Variants in HNRNPAB observed in about 807,000 individuals in gnomAD.
HNRNPAB encodes heterogeneous nuclear ribonucleoprotein A/B, also known as ABBP-1.
Under a neutral mutation model 44.1 loss-of-function variants are expected in HNRNPAB, and 17 were observed. The observed-to-expected ratio is 0.39, with a 90% CI of 0.26 to 0.58. The LOEUF (loss-of-function observed/expected upper bound fraction) is 0.58, where lower values mean the gene tolerates loss of function less well. Among genes scored for constraint, HNRNPAB ranks in the 20% least tolerant of loss-of-function variants. The pLI is 0.63. For synonymous variants in HNRNPAB, 183 were observed against 167.6 expected (o/e 1.09, Z -0.71); for missense variants, 393 against 432.7 (o/e 0.91, Z 0.81).
chr5:178,204,707 G>A lies in HNRNPAB; in HGVS notation c.-57G>A. 1 of 445,728 alleles carries A rather than the reference G, an allele frequency of 2.2e-6. No individual in the cohort carries two copies. The highest frequency in any genetic ancestry group is 3.5e-6 in the Non-Finnish European group (1 of 289,782). The allele number at this position is 445,728 out of a possible 1,614,324, so 27.6% of individuals were successfully genotyped here. ...TGCGGCGCCTTCCCCTGCGGGTGGGGACGAGCGGGCCCCGCGGCGTCATCG... is the reference window on the plus strand; with the variant it reads ...TGCGGCGCCTTCCCCTGCGGGTGGGAACGAGCGGGCCCCGCGGCGTCATCG... On this transcript the variant is annotated 5_prime_UTR_variant, in exon 1 of 8. Transcript: ENST00000358344.
chr5:178,206,707 G>T, intron 3 of HNRNPAB, 25 bp from the exon 4 acceptor site: 1 of 1,611,590 alleles, frequency 6.2e-7, no homozygotes, highest in Non-Finnish European at 8.5e-7. Context: ...TGCTGAGTCA[G>T]CCTGACCCCT....
In HNRNPAB at chr5:178,211,081, G is replaced by A. The variant is rs1329259780; in HGVS notation, c.*458G>A. On this transcript the variant is annotated 3_prime_UTR_variant, in exon 8 of 8. Coordinates refer to ENST00000358344, the MANE Select transcript of HNRNPAB (RefSeq NM_031266.3). ...TTTTGGGAATCTAATGTATTGTAAG[G>A]TATTTTACACGTGTCCTGATTTTGC... 5.8e-6 allele frequency: 1 copy of A among 171,796 alleles called. No homozygotes were observed. The highest frequency in any genetic ancestry group is 1.2e-5 in the Non-Finnish European group (1 of 80,006). 10.6% of individuals were successfully genotyped at this position (171,796 alleles called of 1,614,324 possible).
chr5:178,206,144 G>GGTTAT (rs1757047588), intron 3 of HNRNPAB, 134 bp downstream of exon 3: 1 of 803,276 alleles, frequency 1.2e-6, no homozygotes. Flanking sequence ...CAAAGCCGGA[G>GGTTAT]GTTATGTTCC....
At chr5:178,205,540 T>G in intron 2 of HNRNPAB, 1 of 227,070 alleles carries the variant, frequency 4.4e-6, no homozygotes, top group Non-Finnish European at 8.7e-6. Flanking sequence ...CGCTGGCCCT[T>G]TGCTACATGG....
intron 2 of HNRNPAB, among the ~76,000 whole-genome samples, chr5:178,205,386 G>A (rs904717910): frequency 1.3e-4 from 20 of 152,200 alleles, no homozygotes; most frequent in Middle Eastern, 3.4e-3. Flanking sequence ...GCCGGCGGCT[G>A]CGTGGGCGGA....
intron 2 of HNRNPAB, among the ~76,000 whole-genome samples, chr5:178,205,414 C>T (rs1757013548): frequency 6.6e-6 from 1 of 152,256 alleles, no homozygotes; most frequent in African/African-American, 2.4e-5. Flanking sequence ...CGAGCCGGGG[C>T]CCGGACCTCC....
In HNRNPAB at chr5:178,210,986, T is replaced by C. The variant is rs1758152996; in HGVS notation, c.*363T>C. On this transcript the variant is annotated 3_prime_UTR_variant, in exon 8 of 8. Coordinates refer to ENST00000358344, the MANE Select transcript of HNRNPAB (RefSeq NM_031266.3). ...CCAGTGTCACCTTTTTTTCACCTTT[T>C]AATTTTATATTATTTGCGTCATACA... 1 of 247,860 alleles carries C rather than the reference T, an allele frequency of 4.0e-6. No homozygotes were observed. 15.4% of individuals were successfully genotyped at this position (247,860 alleles called of 1,614,324 possible).
chr5:178,206,298 A>C (rs1013160784), intron 3 of HNRNPAB, among the ~76,000 whole-genome samples: 2 of 152,236 alleles, frequency 1.3e-5, no homozygotes, highest in Non-Finnish European at 1.5e-5. Flanking sequence ...ATTACAAGAG[A>C]GTCCATGATT....
rs1581180661 is a variant in HNRNPAB, at chr5:178,210,174, A to C, written c.830A>C (p.Asn277Thr). Residue 277 changes from asparagine (N) to threonine (T), a missense_variant, in exon 7 of 8, where the codon AAC becomes ACC. Physicochemically the swap from Asn to Thr is moderately conservative, Grantham distance 65. This residue lies in a region of HNRNPAB where 210 missense variants were observed against 196.9 expected (regional missense o/e 1.07). Transcript: ENST00000358344. ...AATCAGGGCTACGGCAACTACTGGAACCAGGGCTACGGCTACCAGCAGGGC... is the reference window on the plus strand; with the variant it reads ...AATCAGGGCTACGGCAACTACTGGACCCAGGGCTACGGCTACCAGCAGGGC... ...SWNQGYGNYW[N>T]QGYGYQQGYG... The C allele has an allele frequency of 6.2e-7, 1 of 1,613,808 alleles. No homozygotes were observed. Among genetic ancestry groups the C allele is most frequent in the South Asian group, 1.1e-5 (1 of 91,062 alleles).
rs1403656168 is a variant in HNRNPAB, at chr5:178,205,020, C to T, written c.183C>T (p.Asn61=). The part of the protein sequence containing the change: ...NQNGAEGDQI[N]ASKNEEDAGK... Reference sequence around the variant, plus strand: ...ACGGCGCCGAGGGCGACCAGATCAACGCCAGCAAGAACGAGGAGGACGCGG... The same window carrying T: ...ACGGCGCCGAGGGCGACCAGATCAATGCCAGCAAGAACGAGGAGGACGCGG... Residue 61 remains asparagine (N), a synonymous_variant, in exon 2 of 8, where the codon AAC becomes AAT. Coordinates refer to ENST00000358344, the MANE Select transcript of HNRNPAB (RefSeq NM_031266.3). 5 of 1,208,534 alleles carry T rather than the reference C, an allele frequency of 4.1e-6. No individual in the cohort carries two copies. Among genetic ancestry groups the T allele is most frequent in the African/African-American group, 1.6e-5 (1 of 63,382 alleles). The allele number at this position is 1,208,534 out of a possible 1,614,324, so 74.9% of individuals were successfully genotyped here.
chr5:178,204,684 C>T lies in HNRNPAB; in HGVS notation c.-80C>T, dbSNP rs1177592532. ...GCGAGCTTGAGTGCGGCCGAGCCTG[C>T]GGCGCCTTCCCCTGCGGGTGGGGAC... On this transcript the variant is annotated 5_prime_UTR_variant, in exon 1 of 8. Transcript: ENST00000358344. 5.2e-5 allele frequency: 18 copies of T among 348,292 alleles called. No individual in the cohort carries two copies. The highest frequency in any genetic ancestry group is 7.3e-5 in the Non-Finnish European group (15 of 204,146). The allele number at this position is 348,292 out of a possible 1,614,324, so 21.6% of individuals were successfully genotyped here.
In HNRNPAB at chr5:178,210,200, T is replaced by A; in HGVS notation, c.856T>A (p.Tyr286Asn). Reference protein sequence around the residue: ...WNQGYGYQQGYGPGYGGYDYS... With the variant: ...WNQGYGYQQGNGPGYGGYDYS... ...CCAGGGCTACGGCTACCAGCAGGGC[T>A]ACGGGCCTGGCTATGGCGGCTACGA... is the stretch of plus-strand genomic sequence containing the variant. The change falls in exon 7 of 8, where the codon TAC (tyrosine) becomes AAC (asparagine). Residue 286 changes from tyrosine (Y) to asparagine (N), a missense_variant. Physicochemically the swap from Tyr to Asn is moderately radical, Grantham distance 143. Transcript: ENST00000358344. 6.2e-7 allele frequency: 1 copy of A among 1,612,786 alleles called. No individual in the cohort carries two copies. Among genetic ancestry groups the A allele is most frequent in the Non-Finnish European group, 8.5e-7 (1 of 1,178,782 alleles).
rs1473812973 is a variant in HNRNPAB at position 178,205,053 on chromosome 5, G to A, written c.209+7G>A. 1.5e-5 allele frequency: 18 copies of A among 1,204,292 alleles called. No individual in the cohort carries two copies. The highest frequency in any genetic ancestry group is 1.9e-5 in the Non-Finnish European group (18 of 970,174). 74.6% of individuals were successfully genotyped at this position (1,204,292 alleles called of 1,614,324 possible). On this transcript the variant is annotated splice_region_variant and intron_variant, in intron 2 of 7. Coordinates refer to ENST00000358344, the MANE Select transcript of HNRNPAB (RefSeq NM_031266.3). ...AGAACGAGGAGGACGCGGGGTAGGT[G>A]CGGCCGCGGGCGGACGGGGGCGCCG...
At chr5:178,207,893 C>T (rs1757157457) in intron 5 of HNRNPAB, among the ~76,000 whole-genome samples, 1 of 151,962 alleles carries the variant, frequency 6.6e-6, no homozygotes, top group Admixed American at 6.6e-5. Context: ...AGCCTGGTCT[C>T]ACCATGTTGC....
Position 178,209,336 on chromosome 5 carries a change from A to G in HNRNPAB, c.676A>G (p.Ile226Val), listed in dbSNP as rs1757442728. Residue 226 changes from isoleucine to valine, a missense_variant, in exon 6 of 8, where the codon ATC becomes GTC. By Grantham distance (29) the Ile-to-Val change is conservative. This residue lies in a region of HNRNPAB where 210 missense variants were observed against 196.9 expected (regional missense o/e 1.07). Coordinates refer to ENST00000358344, the MANE Select transcript of HNRNPAB (RefSeq NM_031266.3). ...FHTVSGSKCE[I>V]KVAQPKEVYQ... is the part of the protein sequence containing the mutation. ...CTGTCCTCTTGACTTTTAGTGTGAG[A>G]TCAAGGTGGCCCAGCCCAAAGAAGT... is the stretch of plus-strand genomic sequence containing the variant. 6.2e-7 allele frequency: 1 copy of G among 1,613,932 alleles called. No individual in the cohort carries two copies. The highest frequency in any genetic ancestry group is 1.1e-5 in the South Asian group (1 of 91,068).
rs1310666638 is a variant in HNRNPAB at position 178,206,877 on chromosome 5, G to A, written c.524G>A (p.Gly175Asp). Reference protein sequence around the residue: ...ATEEKIREYFGEFGEIEAIEL... With the variant: ...ATEEKIREYFDEFGEIEAIEL... ...GAGGAAAAGATCAGGGAGTACTTTG[G>A]CGAGTTTGGGGAGGTGAGTGTGGCT... The change falls in exon 4 of 8, where the codon GGC becomes GAC. Residue 175 changes from glycine (G) to aspartate (D), a missense_variant. Transcript: ENST00000358344. The A allele has an allele frequency of 1.9e-6, 3 of 1,614,194 alleles. No homozygotes were observed. In the Admixed American group the frequency reaches 5.0e-5, roughly 27 times the overall value.
Position 178,205,040 on chromosome 5 carries a change from A to ACGCGGGGTAGGTGCGGC in HNRNPAB, c.209+1_209+17dup. 1 of 1,204,944 alleles carries ACGCGGGGTAGGTGCGGC rather than the reference A, an allele frequency of 8.3e-7. No individual in the cohort carries two copies. The highest frequency in any genetic ancestry group is 1.0e-6 in the Non-Finnish European group (1 of 970,900). 74.6% of individuals were successfully genotyped at this position (1,204,944 alleles called of 1,614,324 possible). On this transcript the variant is annotated stop_gained and frameshift_variant, in exon 2 of 8. Coordinates refer to ENST00000358344, the MANE Select transcript of HNRNPAB (RefSeq NM_031266.3). LOFTEE classifies it high-confidence loss of function. ...ATCAACGCCAGCAAGAACGAGGAGG[A>ACGCGGGGTAGGTGCGGC]CGCGGGGTAGGTGCGGCCGCGGGCG...
At chr5:178,207,977 T>G (rs778958016) in intron 5 of HNRNPAB, among the ~76,000 whole-genome samples, 1 of 152,166 alleles carries the variant, frequency 6.6e-6, no homozygotes, top group Non-Finnish European at 1.5e-5. Context: ...TCACTTGGTC[T>G]TCTGGGCACC....
intron 2 of HNRNPAB, among the ~76,000 whole-genome samples, chr5:178,205,300 G>A (rs954809820): frequency 7.9e-5 from 12 of 151,416 alleles, no homozygotes; most frequent in Non-Finnish European, 1.5e-4. Flanking sequence ...CAGGGCCGGA[G>A]CCGGCGCAGG....
Sources: gnomAD v4.1 joint callset for allele counts (sites outside exome capture counted in the v4.1 genomes callset) on GRCh38, gnomAD v4.1.1 for gene constraint, gnomAD v4.1.1 regional missense constraint, MANE v1.5 for transcripts, NCBI Gene and HGNC (gene_info 2026-07-23, HGNC 2026-07-21) for gene names.